The following SUGCT variants were observed in gnomAD, a reference collection of about 807,000 sequenced individuals.
SUGCT encodes the protein succinyl-CoA:glutarate-CoA transferase.
In SUGCT, 41 loss-of-function variants were observed where a neutral mutation model predicts 55.0. The observed-to-expected ratio is 0.74, with a 90% CI of 0.58 to 0.97. The LOEUF (loss-of-function observed/expected upper bound fraction) is 0.97, where lower values mean the gene tolerates loss of function less well. SUGCT is among the 50% of genes least tolerant of loss of function. The pLI is 0.00. For synonymous variants in SUGCT, 187 were observed against 200.4 expected (o/e 0.93, Z 0.56); for missense variants, 568 against 547.8 (o/e 1.04, Z -0.37).
chr7:40,900,505 T>TTTAGTCCCCTTTGAG, the SUGCT span, among the ~76,000 whole-genome samples: 1 of 152,250 alleles, frequency 6.6e-6, no homozygotes, highest in Non-Finnish European at 1.5e-5. Flanking sequence ...GAAAACTATC[T>TTTAGTCCCCTTTGAG]TTAGTCCCCT....
intron 7 of SUGCT, among the ~76,000 whole-genome samples, chr7:40,270,179 C>T (rs1791914088): frequency 1.4e-5 from 2 of 148,098 alleles, no homozygotes; most frequent in Non-Finnish European, 3.0e-5. Context: ...AATTTCTTAT[C>T]AAGTACATGA....
chr7:40,908,382 C>CAA, the SUGCT span, among the ~76,000 whole-genome samples: 4,077 of 82,346 alleles, frequency 0.05, 328 homozygotes, highest in African/African-American at 0.17. Context: ...GACTCTGTCT[C>CAA]AAAAAAAAAA....
the SUGCT span, among the ~76,000 whole-genome samples, chr7:40,919,397 A>G: frequency 6.6e-6 from 1 of 152,152 alleles, no homozygotes. Context: ...TGAATCAACC[A>G]TCTTCACCAT....
At chr7:40,397,602 T>C (rs1785809317) in intron 9 of SUGCT, among the ~76,000 whole-genome samples, 1 of 152,200 alleles carries the variant, frequency 6.6e-6, no homozygotes. Flanking sequence ...CTTTTGTCTT[T>C]TGGATAGTAT....
the SUGCT span, among the ~76,000 whole-genome samples, chr7:40,909,810 A>G: frequency 3.9e-5 from 6 of 152,292 alleles, no homozygotes; most frequent in African/African-American, 1.4e-4. Flanking sequence ...GGTTTGCAGA[A>G]GAGTGAATTC....
At chr7:40,250,069 G>A (rs1415766662) in intron 7 of SUGCT, among the ~76,000 whole-genome samples, 1 of 152,102 alleles carries the variant, frequency 6.6e-6, no homozygotes, top group Non-Finnish European at 1.5e-5. Flanking sequence ...TTATAGGTGT[G>A]AGCCACTGCG....
At chr7:40,472,997 T>G (rs551780112) in intron 11 of SUGCT, among the ~76,000 whole-genome samples, 10 of 152,296 alleles carry the variant, frequency 6.6e-5, no homozygotes, top group Middle Eastern at 3.4e-3. Flanking sequence ...ATTGAGAAAG[T>G]TGTATATTTT....
chr7:40,446,090 C>T (rs1562783247), intron 9 of SUGCT, among the ~76,000 whole-genome samples: 1 of 151,924 alleles, frequency 6.6e-6, no homozygotes, highest in Non-Finnish European at 1.5e-5. Flanking sequence ...CCTTCAGGAA[C>T]CTCTGCATGT....
chr7:40,675,913 A>G (rs920678746), intron 12 of SUGCT, among the ~76,000 whole-genome samples: 12 of 152,252 alleles, frequency 7.9e-5, no homozygotes, highest in Non-Finnish European at 1.8e-4. Flanking sequence ...GAACAAGTAT[A>G]GACAAGAAAG....
chr7:40,635,436 A>G (rs1332025930), intron 12 of SUGCT, among the ~76,000 whole-genome samples: 1 of 152,244 alleles, frequency 6.6e-6, no homozygotes, highest in African/African-American at 2.4e-5. Flanking sequence ...GGAATTTCAG[A>G]AGAGTGAAGA....
At chr7:40,564,891 C>T (rs1796041268) in intron 12 of SUGCT, among the ~76,000 whole-genome samples, 1 of 152,166 alleles carries the variant, frequency 6.6e-6, no homozygotes, top group Non-Finnish European at 1.5e-5. Flanking sequence ...ATTTTTCTGT[C>T]TCCAAAATGC....
chr7:40,448,098 G>A (rs967110478), intron 9 of SUGCT, among the ~76,000 whole-genome samples: 10 of 152,066 alleles, frequency 6.6e-5, no homozygotes, highest in African/African-American at 2.4e-4. Flanking sequence ...GAGGTCCAGA[G>A]AGATACTGAT....
intron 7 of SUGCT, among the ~76,000 whole-genome samples, chr7:40,253,130 A>G (rs1004649420): frequency 2.0e-5 from 3 of 152,230 alleles, no homozygotes; most frequent in African/African-American, 7.2e-5. Flanking sequence ...TAAGCTGTTT[A>G]GACAAACTAC....
chr7:40,249,315 A>ATCTATATCTATATATATATATCTATC lies in SUGCT; in HGVS notation c.576+11590_576+11591insCTATATCTATATATATATATCTATCT, dbSNP rs1314961773. ...TTAAAACAAAAAACACCAAAAAGCT[A>ATCTATATCTATATATATATATCTATC]TATATATATATATATATATATATAT... On this transcript the variant is annotated intron_variant, in intron 7 of 13. Coordinates refer to ENST00000335693, the MANE Select transcript of SUGCT (RefSeq NM_001193313.2). Among the ~76,000 whole-genome samples, 25 of 33,498 alleles carry ATCTATATCTATATATATATATCTATC rather than the reference A, an allele frequency of 7.5e-4. 1 individual carries two copies. The highest frequency in any genetic ancestry group is 3.6e-3 in the Admixed American group (10 of 2,746). The allele number at this position is 33,498 out of a possible 152,430, so 22.0% of individuals were successfully genotyped here.
chr7:40,210,254 G>A (rs775112357), intron 6 of SUGCT, among the ~76,000 whole-genome samples: 15 of 151,470 alleles, frequency 9.9e-5, no homozygotes, highest in Non-Finnish European at 2.1e-4. Flanking sequence ...CACCATATTG[G>A]CCAGGCTGGT....
At chr7:40,756,871 A>C (rs12701830) in intron 13 of SUGCT, among the ~76,000 whole-genome samples, 2 of 151,972 alleles carry the variant, frequency 1.3e-5, no homozygotes, top group Non-Finnish European at 2.9e-5. Context: ...CATACTCCTT[A>C]AGGGACCAGG....
chr7:40,608,665 C>T (rs377111503), intron 12 of SUGCT, among the ~76,000 whole-genome samples: 7 of 152,228 alleles, frequency 4.6e-5, no homozygotes, highest in East Asian at 1.9e-4. Flanking sequence ...CTTGTGAAAA[C>T]GGTGTGTTTT....
At chr7:40,765,782 G>A (rs1054422504) in intron 13 of SUGCT, among the ~76,000 whole-genome samples, 3 of 152,266 alleles carry the variant, frequency 2.0e-5, no homozygotes, top group African/African-American at 7.2e-5. Flanking sequence ...TCATATTTGA[G>A]CAGTTTCTGA....
chr7:40,150,383 G>A (rs146443688), intron 1 of SUGCT, among the ~76,000 whole-genome samples: 164 of 152,064 alleles, frequency 1.1e-3, no homozygotes, highest in African/African-American at 3.6e-3. Context: ...ACCTCTGCTC[G>A]CTGGGCCGGG....
Sources: allele counts gnomAD v4.1 joint callset (sites outside exome capture counted in the v4.1 genomes callset), GRCh38; gene constraint gnomAD v4.1.1; transcripts MANE v1.5; gene names NCBI Gene and HGNC (gene_info 2026-07-23, HGNC 2026-07-21).